The following NRXN3 variants were observed in gnomAD, a reference collection of about 807,000 sequenced individuals.
NRXN3 encodes neurexin III.
A neutral mutation model predicts 137.6 loss-of-function variants in NRXN3; 32 were observed. That is an observed-to-expected ratio of 0.23 (90% CI 0.18 to 0.31). The LOEUF is 0.31. Among genes scored for constraint, NRXN3 ranks in the 10% least tolerant of loss-of-function variants. The probability of loss-of-function intolerance (pLI) is 1.00; values close to 1 mark genes in which losing one functional copy is unlikely to be tolerated. For synonymous variants in NRXN3, 798 were observed against 784.5 expected (o/e 1.02, Z -0.29); for missense variants, 1,574 against 2,062.5 (o/e 0.76, Z 4.59).
rs1595866305 is a variant in NRXN3 at position 78,201,965 on chromosome 14, G to A, written c.-704+31291G>A. Among the ~76,000 whole-genome samples the A allele has an allele frequency of 3.9e-5, 6 of 152,340 alleles. No individual in the cohort carries two copies. In the South Asian group the frequency reaches 1.2e-3, roughly 32 times the overall value. On this transcript the variant is annotated intron_variant, in intron 1 of 20. Coordinates refer to ENST00000335750, the MANE Select transcript of NRXN3 (RefSeq NM_001330195.2). ...CGCCAGGGCGGAAATTGGCTACAGC[G>A]ACCAAGGCCATTGAATCTAAGGTCC...
At chr14:78,984,920 G>A (rs1358290607) in intron 14 of NRXN3, among the ~76,000 whole-genome samples, 2 of 152,210 alleles carry the variant, frequency 1.3e-5, no homozygotes, top group African/African-American at 2.4e-5. Context: ...GTTAGTTCCA[G>A]ATTGTTGAGA....
chr14:78,300,207 G>T (rs997163606), intron 4 of NRXN3, among the ~76,000 whole-genome samples: 1 of 152,232 alleles, frequency 6.6e-6, no homozygotes, highest in African/African-American at 2.4e-5. Context: ...ACCTATACAT[G>T]TGTGTTATAC....
intron 7 of NRXN3, among the ~76,000 whole-genome samples, chr14:78,711,004 C>T (rs148228505): frequency 2.0e-5 from 3 of 152,340 alleles, no homozygotes; most frequent in Non-Finnish European, 4.4e-5. Flanking sequence ...TAAATCCCGC[C>T]ACACCCCCCA....
At chr14:79,200,324 A>C (rs1314464626) in intron 15 of NRXN3, among the ~76,000 whole-genome samples, 1 of 152,196 alleles carries the variant, frequency 6.6e-6, no homozygotes, top group African/African-American at 2.4e-5. Context: ...TACTCTACAG[A>C]AAAGAAGTTT....
At chr14:79,388,120 A>AT (rs1318508146) in intron 15 of NRXN3, among the ~76,000 whole-genome samples, 6 of 151,678 alleles carry the variant, frequency 4.0e-5, no homozygotes, top group Non-Finnish European at 8.8e-5. Context: ...AAAGTAGGAT[A>AT]TTTTTTAAAA....
chr14:78,570,618 A>G (rs1191692909), intron 4 of NRXN3, among the ~76,000 whole-genome samples: 3 of 152,204 alleles, frequency 2.0e-5, no homozygotes, highest in Non-Finnish European at 4.4e-5. Flanking sequence ...GAAGTATTCT[A>G]TCTCACAGAA....
At position 79,775,084 on chromosome 14, in the gene NRXN3, G is replaced by C. The variant is rs373560276; in HGVS notation, c.4015-30028G>C. ...ACTAGTAAAGAAGAAATATATAAAAGAGCAAGATAGTATTGATCTGGGGTG... is the reference window on the plus strand; with the variant it reads ...ACTAGTAAAGAAGAAATATATAAAACAGCAAGATAGTATTGATCTGGGGTG... On this transcript the variant is annotated intron_variant, in intron 19 of 20. Coordinates refer to ENST00000335750, the MANE Select transcript of NRXN3 (RefSeq NM_001330195.2). Among the ~76,000 whole-genome samples the C allele has an allele frequency of 3.3e-5, 5 of 152,050 alleles. No homozygotes were observed. In the East Asian group the frequency reaches 7.7e-4, roughly 23 times the overall value.
intron 2 of NRXN3, among the ~76,000 whole-genome samples, chr14:78,271,133 A>G (rs533621982): frequency 6.6e-5 from 10 of 152,248 alleles, no homozygotes; most frequent in African/African-American, 2.4e-4. Flanking sequence ...TAAAAGTGCC[A>G]TATTTATTGT....
At chr14:79,577,813 G>A (rs913770145) in intron 16 of NRXN3, among the ~76,000 whole-genome samples, 18 of 152,120 alleles carry the variant, frequency 1.2e-4, no homozygotes, top group African/African-American at 3.9e-4. Context: ...TTTGAGGTCC[G>A]GATCAATACA....
intron 1 of NRXN3, among the ~76,000 whole-genome samples, chr14:78,195,797 C>T (rs2061174539): frequency 6.6e-6 from 1 of 152,206 alleles, no homozygotes; most frequent in South Asian, 2.1e-4. Context: ...TCAGTCCAAA[C>T]CCATGGTTTT....
At chr14:78,533,099 CTTTTTTTT>C (rs71452898) in intron 4 of NRXN3, among the ~76,000 whole-genome samples, 1 of 120,062 alleles carries the variant, frequency 8.3e-6, no homozygotes, top group African/African-American at 3.1e-5. Flanking sequence ...TCCCTCCAGC[CTTTTTTTT>C]TTTTTTTTTT....
intron 19 of NRXN3, among the ~76,000 whole-genome samples, chr14:79,737,040 A>G (rs1331128918): frequency 6.6e-6 from 1 of 152,214 alleles, no homozygotes; most frequent in East Asian, 1.9e-4. Context: ...AAGCATCCAG[A>G]TGTTCACAAC....
intron 10 of NRXN3, among the ~76,000 whole-genome samples, chr14:78,925,542 G>A (rs2099285758): frequency 6.6e-6 from 1 of 152,154 alleles, no homozygotes; most frequent in African/African-American, 2.4e-5. Flanking sequence ...TTCTGGATTG[G>A]TGTTTTTGCC....
intron 6 of NRXN3, among the ~76,000 whole-genome samples, chr14:78,679,860 C>T (rs1364424691): frequency 6.6e-6 from 1 of 152,090 alleles, no homozygotes; most frequent in Non-Finnish European, 1.5e-5. Context: ...ATATCCTTCT[C>T]CTGGTTCAAA....
intron 17 of NRXN3, among the ~76,000 whole-genome samples, chr14:79,682,708 G>T (rs2098676718): frequency 6.6e-6 from 1 of 152,094 alleles, no homozygotes; most frequent in African/African-American, 2.4e-5. Context: ...TCAAAATAGA[G>T]AATATATATT....
In NRXN3 at chr14:79,086,571, A is replaced by C. The variant is rs116011400; in HGVS notation, c.3262+98430A>C. Among the ~76,000 whole-genome samples, 708 of 152,254 alleles carry C rather than the reference A, an allele frequency of 4.7e-3. 6 individuals carry two copies. Among genetic ancestry groups the C allele is most frequent in the African/African-American group, 0.016 (658 of 41,558 alleles). Reference sequence around the variant, plus strand: ...CATAGAGATTATTACTCAGTTGACCACTTTGCACTTGATCTGAGGGACATT... The same window carrying C: ...CATAGAGATTATTACTCAGTTGACCCCTTTGCACTTGATCTGAGGGACATT... On this transcript the variant is annotated intron_variant, in intron 15 of 20. Transcript: ENST00000335750.
intron 4 of NRXN3, among the ~76,000 whole-genome samples, chr14:78,535,371 C>T (rs142914487): frequency 6.6e-6 from 1 of 152,240 alleles, no homozygotes; most frequent in Admixed American, 6.5e-5. Flanking sequence ...CCCATTCATA[C>T]CTATGTTATT....
rs1476580263 is a variant in NRXN3 at position 78,709,465 on chromosome 14, G to T, written c.1470G>T (p.Lys490Asn). The T allele has an allele frequency of 6.2e-7, 1 of 1,613,974 alleles. No individual in the cohort carries two copies. The highest frequency in any genetic ancestry group is 8.5e-7 in the Non-Finnish European group (1 of 1,180,022). The change falls in exon 7 of 21, where the codon AAG becomes AAT. Residue 490 changes from lysine (K) to asparagine (N), a missense_variant. Around this residue, in one of 5 missense-constraint regions of NRXN3, gnomAD observed 718 missense variants for 887.6 expected, o/e 0.81. Coordinates refer to ENST00000335750, the MANE Select transcript of NRXN3 (RefSeq NM_001330195.2). Reference protein sequence around the residue: ...PNGLILFTHGKPQERKDARSQ... With the variant: ...PNGLILFTHGNPQERKDARSQ... Reference sequence around the variant, plus strand: ...GCCTGATCCTCTTCACTCATGGAAAGCCCCAAGAGAGGAAGGATGCTCGGA... The same window carrying T: ...GCCTGATCCTCTTCACTCATGGAAATCCCCAAGAGAGGAAGGATGCTCGGA...
intron 20 of NRXN3, among the ~76,000 whole-genome samples, chr14:79,816,626 C>T (rs2140945587): frequency 6.6e-6 from 1 of 152,308 alleles, no homozygotes; most frequent in South Asian, 2.1e-4. Flanking sequence ...TTTGGAAAGA[C>T]TATCCCAGAT....
Sources: allele counts gnomAD v4.1 joint callset (sites outside exome capture counted in the v4.1 genomes callset), GRCh38; gene constraint gnomAD v4.1.1; regional missense constraint gnomAD v4.1.1; transcripts MANE v1.5; gene names NCBI Gene and HGNC (gene_info 2026-07-23, HGNC 2026-07-21).